MYRIP: variants seen among roughly 807,000 people sequenced by gnomAD.
The protein encoded by MYRIP is myosin VIIA and Rab interacting protein, also known as rab effector MyRIP.
Under a neutral mutation model 98.0 loss-of-function variants are expected in MYRIP, and 49 were observed. That is an observed-to-expected ratio of 0.50 (90% confidence interval 0.40 to 0.63). The LOEUF (loss-of-function observed/expected upper bound fraction) is 0.63. Ranked by LOEUF, MYRIP falls within the 30% of genes least tolerant of loss-of-function variation. The probability of loss-of-function intolerance (pLI) is 0.00; values close to 1 mark genes in which losing one functional copy is unlikely to be tolerated. For synonymous variants in MYRIP, 404 were observed against 409.5 expected, an observed-to-expected ratio of 0.99 and a Z score of 0.16; for missense variants, 1,004 against 1,058.2, an observed-to-expected ratio of 0.95 and a Z score of 0.71.
intron 1 of MYRIP, among the ~76,000 whole-genome samples, chr3:39,896,042 C>T (rs923111519): frequency 6.6e-6 from 1 of 152,144 alleles, no homozygotes; most frequent in Non-Finnish European, 1.5e-5. Context: ...CAACCACAGC[C>T]AGCTCTGTGA....
At chr3:40,030,830 G>T (rs1342801791) in intron 2 of MYRIP, among the ~76,000 whole-genome samples, 3 of 152,102 alleles carry the variant, frequency 2.0e-5, no homozygotes, top group African/African-American at 7.2e-5. Flanking sequence ...GGGCAGGGGA[G>T]AATGCTTCAT....
intron 1 of MYRIP, among the ~76,000 whole-genome samples, chr3:39,889,962 G>A (rs1163568356): frequency 6.6e-6 from 1 of 151,958 alleles, no homozygotes; most frequent in African/African-American, 2.4e-5. Flanking sequence ...CTTAAAGATT[G>A]TTTCTATAGT....
intron 16 of MYRIP, among the ~76,000 whole-genome samples, chr3:40,255,675 T>C (rs1386095287): frequency 1.3e-5 from 2 of 152,208 alleles, no homozygotes; most frequent in Non-Finnish European, 2.9e-5. Context: ...CATGAGCCTT[T>C]CTTGATTGAT....
At chr3:40,102,697 G>A (rs1948968955) in intron 3 of MYRIP, among the ~76,000 whole-genome samples, 1 of 151,948 alleles carries the variant, frequency 6.6e-6, no homozygotes, top group African/African-American at 2.4e-5. Flanking sequence ...GTAGCAGCCG[G>A]GAGTGTCACC....
intron 2 of MYRIP, among the ~76,000 whole-genome samples, chr3:40,013,703 G>C (rs1946806239): frequency 6.6e-6 from 1 of 152,188 alleles, no homozygotes; most frequent in South Asian, 2.1e-4. Context: ...TTGGTTTCCT[G>C]ATACGTAAAA....
At chr3:40,109,637 T>A (rs2125900249) in intron 3 of MYRIP, among the ~76,000 whole-genome samples, 1 of 152,196 alleles carries the variant, frequency 6.6e-6, no homozygotes, top group African/African-American at 2.4e-5. Context: ...AAGGATATGC[T>A]CCCAAATGTG....
intron 1 of MYRIP, among the ~76,000 whole-genome samples, chr3:39,823,363 T>G (rs1485649674): frequency 6.6e-6 from 1 of 152,196 alleles, no homozygotes; most frequent in Non-Finnish European, 1.5e-5. Context: ...AAATGCCCAG[T>G]AGCCCAGTAG....
chr3:40,026,763 A>T lies in MYRIP; in HGVS notation c.111-17287A>T, dbSNP rs1031799282. Among the ~76,000 whole-genome samples the T allele has an allele frequency of 5.3e-5, 8 of 152,204 alleles. No homozygotes were observed. In the East Asian group the frequency reaches 1.5e-3, roughly 29 times the overall value. On this transcript the variant is annotated intron_variant, in intron 2 of 16. Coordinates refer to ENST00000302541, the MANE Select transcript of MYRIP (RefSeq NM_015460.4). Reference sequence around the variant, plus strand: ...TTTCTCAGAGTTACTGCTGACCCCCATGCAGCCAAATCCAGTGGATATATC... The same window carrying T: ...TTTCTCAGAGTTACTGCTGACCCCCTTGCAGCCAAATCCAGTGGATATATC...
At chr3:39,925,109 A>G (rs2125694397) in intron 2 of MYRIP, among the ~76,000 whole-genome samples, 1 of 151,760 alleles carries the variant, frequency 6.6e-6, no homozygotes, top group Non-Finnish European at 1.5e-5. Context: ...AAGGATCAGA[A>G]CTGAGATCAT....
chr3:39,911,809 G>C (rs908559418), intron 2 of MYRIP, among the ~76,000 whole-genome samples: 6 of 152,136 alleles, frequency 3.9e-5, no homozygotes, highest in South Asian at 2.1e-4. Flanking sequence ...GTTCTCACAG[G>C]CTCCTTCAGT....
intron 9 of MYRIP, among the ~76,000 whole-genome samples, chr3:40,185,400 G>C (rs948636802): frequency 1.3e-5 from 2 of 152,162 alleles, no homozygotes; most frequent in Non-Finnish European, 2.9e-5. Flanking sequence ...ACTGCTCTGG[G>C]ATCACTCAGT....
At chr3:40,039,625 T>G (rs1947465066) in intron 2 of MYRIP, among the ~76,000 whole-genome samples, 1 of 151,968 alleles carries the variant, frequency 6.6e-6, no homozygotes, top group East Asian at 1.9e-4. Context: ...CCACCAGGGA[T>G]GGTTCTTTCA....
At chr3:40,204,127 T>G (rs1181917743) in intron 10 of MYRIP, among the ~76,000 whole-genome samples, 4 of 41,062 alleles carry the variant, frequency 9.7e-5, no homozygotes, top group Admixed American at 9.8e-4. Flanking sequence ...ATATAGAGTA[T>G]TATATAATAT....
At chr3:39,928,791 C>G (rs1031668071) in intron 2 of MYRIP, among the ~76,000 whole-genome samples, 12 of 151,938 alleles carry the variant, frequency 7.9e-5, no homozygotes, top group African/African-American at 2.4e-4. Context: ...GATGTCTACT[C>G]TCTCCACTCT....
intron 3 of MYRIP, among the ~76,000 whole-genome samples, chr3:40,052,711 C>A (rs1044111099): frequency 6.6e-6 from 1 of 151,900 alleles, no homozygotes; most frequent in African/African-American, 2.4e-5. Flanking sequence ...AAATGCTGTA[C>A]AAAAATGAGT....
At chr3:40,081,019 T>G (rs2125870111) in intron 3 of MYRIP, among the ~76,000 whole-genome samples, 1 of 152,244 alleles carries the variant, frequency 6.6e-6, no homozygotes, top group East Asian at 1.9e-4. Flanking sequence ...TAAAAACACA[T>G]TTTTAAATTA....
chr3:40,178,376 G>A lies in MYRIP; in HGVS notation c.874-3844G>A, dbSNP rs6809932. ...AAAGCTTCGGGACCAGTTGGTTCAC[G>A]TGGCAAGTCCTGCTGGGCTGGGGCA... On this transcript the variant is annotated intron_variant, in intron 8 of 16. Coordinates refer to ENST00000302541, the MANE Select transcript of MYRIP (RefSeq NM_015460.4). 4.5e-3 allele frequency among the ~76,000 whole-genome samples: 685 copies of A among 152,308 alleles called. 5 individuals carry two copies. The highest frequency in any genetic ancestry group is 0.015 in the African/African-American group (623 of 41,566).
chr3:39,937,287 G>A (rs1944676040), intron 2 of MYRIP, among the ~76,000 whole-genome samples: 1 of 152,242 alleles, frequency 6.6e-6, no homozygotes, highest in African/African-American at 2.4e-5. Context: ...ATGTGAAAGA[G>A]AAAGTAGAGT....
chr3:39,950,965 C>T (rs2125717683), intron 2 of MYRIP, among the ~76,000 whole-genome samples: 2 of 152,244 alleles, frequency 1.3e-5, no homozygotes, highest in East Asian at 3.9e-4. Flanking sequence ...AGAAATCCTC[C>T]TTCTGGCAGT....
Sources: allele counts gnomAD v4.1 joint callset (sites outside exome capture counted in the v4.1 genomes callset), GRCh38; gene constraint gnomAD v4.1.1; transcripts MANE v1.5; gene names NCBI Gene and HGNC (gene_info 2026-07-23, HGNC 2026-07-21).